PFKFB2: variants seen among roughly 807,000 people sequenced by gnomAD.
PFKFB2 encodes the protein 6-phosphofructo-2-kinase/fructose-2,6-biphosphatase 2, also known as 6-phosphofructo-2-kinase/fructose-2,6-bisphosphatase 2.
PFKFB2 carries 53 observed loss-of-function variants against 68.0 expected under a neutral mutation model. The observed-to-expected ratio is 0.78, with a 90% CI of 0.63 to 0.98. PFKFB2 has a LOEUF of 0.98. Ranked by LOEUF, PFKFB2 falls within the 50% of genes least tolerant of loss-of-function variation. The pLI, the probability that PFKFB2 is intolerant of heterozygous loss-of-function variation, is 0.00. For missense variants in PFKFB2, 451 were observed against 642.0 expected (o/e 0.70, Z 3.22); for synonymous variants, 222 against 227.6 (o/e 0.98, Z 0.22).
chr1:207,038,081 A>C (rs550856260), intron 1 of PFKFB2, among the ~76,000 whole-genome samples: 1 of 152,290 alleles, frequency 6.6e-6, no homozygotes, highest in Admixed American at 6.5e-5. Flanking sequence ...AGTTACAGTA[A>C]ATTTTGAGGA....
At chr1:207,050,636 G>A, upstream of PFKFB2, 10 of 1,601,618 alleles carry the variant, frequency 6.2e-6, no homozygotes, top group Non-Finnish European at 7.6e-6. Flanking sequence ...TCTCTCTCAC[G>A]CCCCTCTCCA....
At chr1:207,042,409 G>A (rs1433463534) in intron 2 of PFKFB2, among the ~76,000 whole-genome samples, 3 of 151,678 alleles carry the variant, frequency 2.0e-5, no homozygotes, top group African/African-American at 4.8e-5. Flanking sequence ...TTAGCTGGGC[G>A]TGGTGGTGGG....
At chr1:207,059,035 A>G (rs940482975) in intron 2 of PFKFB2, among the ~76,000 whole-genome samples, 5 of 152,182 alleles carry the variant, frequency 3.3e-5, no homozygotes, top group African/African-American at 7.2e-5. Context: ...AATTTGAGAT[A>G]GGAAGTGTGG....
intron 1 of PFKFB2, chr1:207,035,122 T>G: frequency 2.0e-6 from 2 of 982,040 alleles, no homozygotes; most frequent in Non-Finnish European, 2.4e-6. Context: ...GCCTGTTTGA[T>G]GACCAGACTC....
At position 207,067,536 on chromosome 1, in the gene PFKFB2, C is replaced by A. The variant is rs538947855; in HGVS notation, c.670C>A (p.Arg224=). The part of the protein sequence containing the change: ...SFIKVINVGQ[R]FLVNRVQDYI... The stretch of plus-strand genomic sequence containing the variant: ...CATCAAGGTGATAAACGTGGGCCAG[C>A]GATTTTTAGTCAACAGAGTCCAGGA... The change falls in exon 9 of 15, where the codon CGA becomes AGA. Residue 224 remains arginine (R), a synonymous_variant. Coordinates refer to ENST00000367080, the MANE Select transcript of PFKFB2 (RefSeq NM_006212.2). 1.9e-6 allele frequency: 3 copies of A among 1,613,858 alleles called. No homozygotes were observed. The highest frequency in any genetic ancestry group is 2.2e-5 in the South Asian group (2 of 91,064).
At chr1:207,080,632 G>A (rs1039388303), downstream of PFKFB2, 1 of 152,092 alleles carries the variant, frequency 6.6e-6, no homozygotes, top group Non-Finnish European at 1.5e-5. Context: ...ATCCATGTAA[G>A]GCATTTTTGA....
intron 10 of PFKFB2, 112 bp downstream of exon 10, chr1:207,068,421 A>C: frequency 1.1e-6 from 1 of 900,232 alleles, no homozygotes; most frequent in South Asian, 3.3e-5. Flanking sequence ...ACAAGTAAAA[A>C]CTCTGAGGAA....
At chr1:207,040,814 C>T (rs1420964167) in intron 1 of PFKFB2, among the ~76,000 whole-genome samples, 1 of 151,438 alleles carries the variant, frequency 6.6e-6, no homozygotes, top group Non-Finnish European at 1.5e-5. Context: ...GCCTTCGCCA[C>T]ATAACTAAGA....
At chr1:207,057,919 C>T (rs1682978297) in intron 2 of PFKFB2, among the ~76,000 whole-genome samples, 1 of 152,176 alleles carries the variant, frequency 6.6e-6, no homozygotes, top group Non-Finnish European at 1.5e-5. Flanking sequence ...ACAAAGAGTG[C>T]TGCAGTGACC....
At position 207,070,463 on chromosome 1, in the gene PFKFB2, G is replaced by T; in HGVS notation, c.1222+54G>T. 3 of 1,585,078 alleles carry T rather than the reference G, an allele frequency of 1.9e-6. No individual in the cohort carries two copies. The highest frequency in any genetic ancestry group is 2.6e-6 in the Non-Finnish European group (3 of 1,160,876). On this transcript the variant is annotated intron_variant, in intron 12 of 14. Coordinates refer to ENST00000367080, the MANE Select transcript of PFKFB2 (RefSeq NM_006212.2). This position sits in a 1 kb window ranked among gnomAD's most constrained non-coding sequence, Gnocchi z 4.2. ...CATCCAGTGGGAGAGGGCTGGACTT[G>T]CAGTGGCACCAGGATTCCTGGGAAA...
At chr1:207,079,162 C>T, downstream of PFKFB2, 1 of 711,516 alleles carries the variant, frequency 1.4e-6, no homozygotes. Flanking sequence ...GGAGAAACGT[C>T]ACCATATTTC....
At chr1:207,055,978 A>T (rs1682909762) in intron 2 of PFKFB2, among the ~76,000 whole-genome samples, 1 of 152,196 alleles carries the variant, frequency 6.6e-6, no homozygotes, top group Admixed American at 6.5e-5. Flanking sequence ...GTATAGCATG[A>T]TGTTTGAGTA....
rs1440228413 is a variant in PFKFB2 at position 207,077,506 on chromosome 1, C to A, written c.*5135C>A. On this transcript the variant is annotated 3_prime_UTR_variant, in exon 15 of 15. Transcript: ENST00000367080. Reference sequence around the variant, plus strand: ...TGGTATGGTGATGGTTTTGCTATGGCAAAATCAAAGGGCTGATCATACATG... The same window carrying A: ...TGGTATGGTGATGGTTTTGCTATGGAAAAATCAAAGGGCTGATCATACATG... 4 of 985,438 alleles carry A rather than the reference C, an allele frequency of 4.1e-6. No individual in the cohort carries two copies. The highest frequency in any genetic ancestry group is 4.8e-6 in the Non-Finnish European group (4 of 829,902). The allele number at this position is 985,438 out of a possible 1,614,324, so 61.0% of individuals were successfully genotyped here. A position where few individuals can be genotyped will look rare whatever the true frequency, so the allele number is the denominator to read the frequency against.
chr1:207,040,038 C>G (rs1682447253), intron 1 of PFKFB2, among the ~76,000 whole-genome samples: 1 of 152,184 alleles, frequency 6.6e-6, no homozygotes, highest in Non-Finnish European at 1.5e-5. Context: ...AGGTTGGGAC[C>G]TCAGAGAGCT....
Position 207,076,728 on chromosome 1 carries a change from G to T in PFKFB2, c.*4357G>T. ...GGTAGACCAGGAGGATCTGTGTGCT[G>T]ATTGACTCTAGTAGGATCTGTTTGT... On this transcript the variant is annotated 3_prime_UTR_variant, in exon 15 of 15. Transcript: ENST00000367080. 1 of 941,486 alleles carries T rather than the reference G, an allele frequency of 1.1e-6. No homozygotes were observed. Among genetic ancestry groups the T allele is most frequent in the Non-Finnish European group, 1.2e-6 (1 of 810,940 alleles). The allele number at this position is 941,486 out of a possible 1,614,324, so 58.3% of individuals were successfully genotyped here.
intron 1 of PFKFB2, among the ~76,000 whole-genome samples, chr1:207,036,935 C>T (rs768657833): frequency 5.9e-5 from 9 of 152,204 alleles, no homozygotes; most frequent in African/African-American, 1.7e-4. Context: ...CACTAACTTC[C>T]GAAATGTTGT....
intron 1 of PFKFB2, among the ~76,000 whole-genome samples, chr1:207,037,177 T>A (rs570490772): frequency 6.6e-6 from 1 of 152,242 alleles, no homozygotes; most frequent in Non-Finnish European, 1.5e-5. Flanking sequence ...TCCTATAGAC[T>A]GTTTGAATTC....
chr1:207,077,052 G>A lies in PFKFB2; in HGVS notation c.*4681G>A. 1.0e-6 allele frequency: 1 copy of A among 984,620 alleles called. No individual in the cohort carries two copies. Among genetic ancestry groups the A allele is most frequent in the Non-Finnish European group, 1.2e-6 (1 of 829,216 alleles). 61.0% of individuals were successfully genotyped at this position (984,620 alleles called of 1,614,324 possible). On this transcript the variant is annotated 3_prime_UTR_variant, in exon 15 of 15. Transcript: ENST00000367080. ...TCTCATTATTTTGTACAAGATAAAG[G>A]TTATGCATCACTTTTATGGTATTTT...
chr1:207,048,993 A>T (rs1382206660), upstream of PFKFB2: 1 of 1,593,638 alleles, frequency 6.3e-7, no homozygotes. Context: ...GTGAGGTAGT[A>T]GGCTTCAACC....
Sources: gnomAD v4.1 joint callset for allele counts (sites outside exome capture counted in the v4.1 genomes callset) on GRCh38, gnomAD v4.1.1 for gene constraint, Gnocchi (gnomAD v3.1) non-coding constraint, MANE v1.5 for transcripts, NCBI Gene and HGNC (gene_info 2026-07-23, HGNC 2026-07-21) for gene names.